Variants in LRRCC1 observed in about 807,000 individuals in gnomAD.
LRRCC1 encodes the protein leucine rich repeat and coiled-coil centrosomal protein 1, also known as leucine-rich repeat and coiled-coil domain-containing protein 1.
In LRRCC1, 115 loss-of-function variants were observed where a neutral mutation model predicts 126.0. That is an observed-to-expected ratio of 0.91 (90% CI 0.78 to 1.07). The LOEUF (loss-of-function observed/expected upper bound fraction) is 1.07. LRRCC1 is among the 50% of genes least tolerant of loss of function. The probability of loss-of-function intolerance (pLI) is 0.00; values close to 1 mark genes in which losing one functional copy is unlikely to be tolerated. For missense variants in LRRCC1, 1,172 were observed against 1,175.7 expected, an observed-to-expected ratio of 1.00 and a Z score of 0.05; for synonymous variants, 400 against 393.4, an observed-to-expected ratio of 1.02 and a Z score of -0.20.
intron 1 of LRRCC1, among the ~76,000 whole-genome samples, chr8:85,108,022 C>T (rs747419487): frequency 1.3e-5 from 2 of 152,224 alleles, no homozygotes; most frequent in Non-Finnish European, 2.9e-5. Flanking sequence ...GCACTTGGTT[C>T]TGTAATACTG....
Position 85,145,633 on chromosome 8 carries a change from A to C in LRRCC1, c.*122A>C. 2 of 737,788 alleles carry C rather than the reference A, an allele frequency of 2.7e-6. No individual in the cohort carries two copies. The highest frequency in any genetic ancestry group is 4.0e-6 in the Non-Finnish European group (2 of 496,394). The allele number at this position is 737,788 out of a possible 1,614,324, so 45.7% of individuals were successfully genotyped here. ...TCTCTTTCTATACATTTCATTATGA[A>C]TATATTTTTAAAGACTTTTGATCAA... On this transcript the variant is annotated 3_prime_UTR_variant, in exon 19 of 19. Coordinates refer to ENST00000360375, the MANE Select transcript of LRRCC1 (RefSeq NM_033402.5).
chr8:85,118,412 G>GT (rs1461378157), intron 6 of LRRCC1, among the ~76,000 whole-genome samples: 1 of 151,888 alleles, frequency 6.6e-6, no homozygotes, highest in Non-Finnish European at 1.5e-5. Context: ...CAGTTTCTGG[G>GT]TTATAGGGTA....
chr8:85,141,332 A>G, intron 17 of LRRCC1, 50 bp from the exon 18 acceptor site: 1 of 1,485,024 alleles, frequency 6.7e-7, no homozygotes, highest in Non-Finnish European at 9.2e-7. Context: ...TAATCTTTAC[A>G]TTCACACCAC....
intron 8 of LRRCC1, among the ~76,000 whole-genome samples, chr8:85,125,406 G>T (rs1457132297): frequency 6.6e-6 from 1 of 151,928 alleles, no homozygotes; most frequent in Non-Finnish European, 1.5e-5. Flanking sequence ...GGGCGCGGTG[G>T]CTCACGCCTG....
chr8:85,124,496 A>G (rs926584761), intron 7 of LRRCC1, among the ~76,000 whole-genome samples: 1 of 152,164 alleles, frequency 6.6e-6, no homozygotes, highest in Non-Finnish European at 1.5e-5. Context: ...CTTGGGTATC[A>G]TCTTACCACA....
At chr8:85,133,389 C>A (rs1342954154) in intron 12 of LRRCC1, among the ~76,000 whole-genome samples, 1 of 152,170 alleles carries the variant, frequency 6.6e-6, no homozygotes, top group Non-Finnish European at 1.5e-5. Flanking sequence ...CCCAAGTTTT[C>A]AGCCCTTAAA....
Position 85,124,335 on chromosome 8 carries a change from T to C in LRRCC1, c.1125-457T>C, listed in dbSNP as rs1809798198. On this transcript the variant is annotated intron_variant, in intron 7 of 18. Coordinates refer to ENST00000360375, the MANE Select transcript of LRRCC1 (RefSeq NM_033402.5). ...TACCCACACACACAGAGGCATTCAGTTCACTTCAAACACTGTACTTTTTTC... is the reference window on the plus strand; with the variant it reads ...TACCCACACACACAGAGGCATTCAGCTCACTTCAAACACTGTACTTTTTTC... 2.0e-5 allele frequency among the ~76,000 whole-genome samples: 3 copies of C among 152,306 alleles called. No individual in the cohort carries two copies. The Middle Eastern group carries it at 0.01, about 518-fold the overall frequency.
intron 6 of LRRCC1, among the ~76,000 whole-genome samples, chr8:85,122,917 G>T (rs1298403329): frequency 6.6e-6 from 1 of 152,170 alleles, no homozygotes; most frequent in Non-Finnish European, 1.5e-5. Flanking sequence ...TTAGGTAGCA[G>T]TTCAAAGTTC....
At position 85,138,195 on chromosome 8, in the gene LRRCC1, A is replaced by T; in HGVS notation, c.2654A>T (p.Gln885Leu). The T allele has an allele frequency of 6.2e-7, 1 of 1,612,478 alleles. No homozygotes were observed. The highest frequency in any genetic ancestry group is 8.5e-7 in the Non-Finnish European group (1 of 1,179,230). ...HNERKEKLKQQLKGKEVELEE... is the reference protein window; with the variant it reads ...HNERKEKLKQLLKGKEVELEE... ...GAAAGAAAAGAAAAACTAAAACAACAGTTGAAAGGAAAGGAAGTAGAACTT... is the reference window on the plus strand; with the variant it reads ...GAAAGAAAAGAAAAACTAAAACAACTGTTGAAAGGAAAGGAAGTAGAACTT... Residue 885 changes from glutamine to leucine, a missense_variant, in exon 16 of 19, where the codon CAG (glutamine) becomes CTG (leucine). Physicochemically the swap from Gln to Leu is moderately radical, Grantham distance 113 (BLOSUM62 -2). Coordinates refer to ENST00000360375, the MANE Select transcript of LRRCC1 (RefSeq NM_033402.5).
At chr8:85,112,573 TTTGC>T (rs1808809277) in intron 3 of LRRCC1, among the ~76,000 whole-genome samples, 1 of 152,218 alleles carries the variant, frequency 6.6e-6, no homozygotes. Context: ...TACTACAGAG[TTTGC>T]TTATGTCTGC....
At chr8:85,114,482 A>C (rs1808956545) in intron 4 of LRRCC1, among the ~76,000 whole-genome samples, 1 of 152,062 alleles carries the variant, frequency 6.6e-6, no homozygotes, top group African/African-American at 2.4e-5. Flanking sequence ...ACTTAGTTTT[A>C]AAATTACATT....
Position 85,145,692 on chromosome 8 carries a change from A to T in LRRCC1, c.*181A>T. ...TAATTGTATAGGTTTTTTATAATAA[A>T]TTGTTGACAATTTTGTCTATTAGAA... On this transcript the variant is annotated 3_prime_UTR_variant, in exon 19 of 19. Transcript: ENST00000360375. 1 of 402,678 alleles carries T rather than the reference A, an allele frequency of 2.5e-6. No homozygotes were observed. 24.9% of individuals were successfully genotyped at this position (402,678 alleles called of 1,614,324 possible). A position where few individuals can be genotyped will look rare whatever the true frequency, so the allele number is the denominator to read the frequency against.
chr8:85,141,411 A>C lies in LRRCC1; in HGVS notation c.2870A>C (p.Asp957Ala), dbSNP rs1811242427. 1 of 1,613,044 alleles carries C rather than the reference A, an allele frequency of 6.2e-7. No individual in the cohort carries two copies. The highest frequency in any genetic ancestry group is 1.7e-5 in the Admixed American group (1 of 59,986). Residue 957 changes from aspartate (D) to alanine (A), a missense_variant, in exon 18 of 19, where the codon GAT (aspartate) becomes GCT (alanine). By Grantham distance (126) the Asp-to-Ala change is moderately radical (BLOSUM62 -2). Transcript: ENST00000360375. ...GCAATGGAAAAACTTCATAGTATGG[A>C]TGATGCCTTTAAAAGACAAGTTGAT... ...KNAMEKLHSM[D>A]DAFKRQVDAI...
intron 3 of LRRCC1, among the ~76,000 whole-genome samples, chr8:85,111,713 T>G (rs1220360910): frequency 6.6e-6 from 1 of 152,116 alleles, no homozygotes. Flanking sequence ...TTGGAATCCT[T>G]AGTATTTAAT....
intron 6 of LRRCC1, among the ~76,000 whole-genome samples, chr8:85,117,268 CT>C (rs1402671220): frequency 2.0e-5 from 3 of 152,250 alleles, no homozygotes; most frequent in Admixed American, 6.5e-5. Flanking sequence ...CATATAGCTC[CT>C]TATGTCCAAT....
intron 1 of LRRCC1, 41 bp downstream of exon 1, chr8:85,107,440 C>G: frequency 3.3e-6 from 5 of 1,528,912 alleles, no homozygotes; most frequent in Non-Finnish European, 4.5e-6. Context: ...CGCGCACTCC[C>G]CAGAGCCGGG....
chr8:85,131,563 A>C (rs1053118276), intron 11 of LRRCC1, among the ~76,000 whole-genome samples, 197 bp from the exon 12 acceptor site: 1 of 152,206 alleles, frequency 6.6e-6, no homozygotes, highest in Non-Finnish European at 1.5e-5. Context: ...CCTTATCTCC[A>C]TCACTATTAA....
At chr8:85,138,561 T>A in intron 17 of LRRCC1, 86 bp downstream of exon 17, 1 of 1,307,594 alleles carries the variant, frequency 7.6e-7, no homozygotes, top group Non-Finnish European at 1.0e-6. Flanking sequence ...AGAGGAGGGC[T>A]AAAAATCATG....
chr8:85,122,714 G>A (rs1296166048), intron 6 of LRRCC1, among the ~76,000 whole-genome samples: 1 of 152,096 alleles, frequency 6.6e-6, no homozygotes, highest in Non-Finnish European at 1.5e-5. Context: ...TCTCAGGTTT[G>A]GTGTCCATTT....
Sources: gnomAD v4.1 joint callset for allele counts (sites outside exome capture counted in the v4.1 genomes callset) on GRCh38, gnomAD v4.1.1 for gene constraint, MANE v1.5 for transcripts, NCBI Gene and HGNC (gene_info 2026-07-23, HGNC 2026-07-21) for gene names.